The following MIX23 variants were observed in gnomAD, a reference collection of about 807,000 sequenced individuals.
MIX23 encodes the protein mitochondrial matrix import factor 23.
A neutral mutation model predicts 21.6 loss-of-function variants in MIX23; 13 were observed. The ratio of observed to expected loss-of-function variants is 0.60; its 90% CI spans 0.39 to 0.96. The LOEUF (loss-of-function observed/expected upper bound fraction) is 0.96, where lower values mean the gene tolerates loss of function less well. Ranked by LOEUF, MIX23 falls within the 40% of genes least tolerant of loss-of-function variation. The pLI is 0.00. For missense variants in MIX23, 144 were observed against 171.2 expected (o/e 0.84, Z 0.89); for synonymous variants, 59 against 58.0 (o/e 1.02, Z -0.08).
chr3:122,368,069 T>G (rs2075410144), intron 3 of MIX23, 107 bp downstream of exon 3: 1 of 925,036 alleles, frequency 1.1e-6, no homozygotes, highest in Admixed American at 2.2e-5. Context: ...ATCATTTTTT[T>G]AAGTAACTGC....
chr3:122,380,308 T>C (rs1393455461), intron 1 of MIX23, among the ~76,000 whole-genome samples: 1 of 152,104 alleles, frequency 6.6e-6, no homozygotes. Context: ...ACAGATCTGG[T>C]TCCTCAAACT....
chr3:122,381,392 G>C (rs552955584), intron 1 of MIX23, among the ~76,000 whole-genome samples: 1 of 152,274 alleles, frequency 6.6e-6, no homozygotes, highest in South Asian at 2.1e-4. Flanking sequence ...AGGTCATAAG[G>C]GTGGGCCCTA....
intron 1 of MIX23, among the ~76,000 whole-genome samples, chr3:122,372,689 G>A (rs936271693): frequency 4.0e-5 from 6 of 151,774 alleles, no homozygotes; most frequent in South Asian, 2.1e-4. Flanking sequence ...TTAATTAGCC[G>A]GACATGGTGA....
intron 1 of MIX23, among the ~76,000 whole-genome samples, chr3:122,381,099 C>A (rs1275190793): frequency 2.0e-5 from 3 of 152,188 alleles, no homozygotes; most frequent in Non-Finnish European, 2.9e-5. Context: ...ATCCTATTGC[C>A]TCTGCCTAGA....
At chr3:122,362,016 G>A (rs969645405) in intron 4 of MIX23, among the ~76,000 whole-genome samples, 4 of 152,026 alleles carry the variant, frequency 2.6e-5, no homozygotes, top group South Asian at 2.1e-4. Flanking sequence ...TTTGCCCTTC[G>A]TAAATCTTTT....
chr3:122,367,173 A>G (rs1214519467), intron 3 of MIX23, among the ~76,000 whole-genome samples: 1 of 151,980 alleles, frequency 6.6e-6, no homozygotes, highest in Non-Finnish European at 1.5e-5. Flanking sequence ...GAAGAGAAGG[A>G]GAGAGGGAGG....
chr3:122,366,968 A>C (rs1230780853), intron 3 of MIX23, among the ~76,000 whole-genome samples: 1 of 152,134 alleles, frequency 6.6e-6, no homozygotes, highest in African/African-American at 2.4e-5. Context: ...TGATTTTGAT[A>C]ATTGTACACT....
At chr3:122,367,139 T>A (rs767205705) in intron 3 of MIX23, among the ~76,000 whole-genome samples, 1 of 149,030 alleles carries the variant, frequency 6.7e-6, no homozygotes, top group African/African-American at 2.5e-5. Flanking sequence ...CAGGGAAGGA[T>A]GAAGAGAAGG....
At chr3:122,382,818 T>A (rs1295816337) in intron 1 of MIX23, among the ~76,000 whole-genome samples, 3 of 152,200 alleles carry the variant, frequency 2.0e-5, no homozygotes, top group Non-Finnish European at 4.4e-5. Flanking sequence ...AAAACTCTAC[T>A]TACAAAAGTA....
intron 2 of MIX23, 95 bp from the exon 3 acceptor site, chr3:122,368,417 C>T (rs1030595882): frequency 8.2e-6 from 10 of 1,220,716 alleles, no homozygotes; most frequent in African/African-American, 3.1e-5. Flanking sequence ...TATAGAAATT[C>T]AATACTTTCT....
intron 1 of MIX23, 103 bp downstream of exon 1, chr3:122,383,071 G>A (rs2075547978): frequency 4.8e-6 from 7 of 1,461,372 alleles, no homozygotes; most frequent in Non-Finnish European, 5.8e-6. Context: ...GCTTTGAATT[G>A]CCCGCTTTTT....
chr3:122,368,002 A>G (rs1321385744), intron 3 of MIX23, 174 bp downstream of exon 3: 5 of 606,262 alleles, frequency 8.2e-6, no homozygotes, highest in African/African-American at 3.7e-5. Context: ...TAATTTACCA[A>G]TTAATAACTA....
intron 3 of MIX23, among the ~76,000 whole-genome samples, chr3:122,364,898 A>G (rs1451494695): frequency 6.6e-6 from 1 of 152,202 alleles, no homozygotes; most frequent in Non-Finnish European, 1.5e-5. Flanking sequence ...TACAGATTCA[A>G]AATCAGACTT....
At chr3:122,378,034 T>G (rs1006934351) in intron 1 of MIX23, among the ~76,000 whole-genome samples, 19 of 152,170 alleles carry the variant, frequency 1.2e-4, no homozygotes, top group Non-Finnish European at 2.4e-4. Context: ...GGTCATATGA[T>G]AGGATTTTAG....
intron 1 of MIX23, among the ~76,000 whole-genome samples, chr3:122,379,212 T>C (rs1469479301): frequency 1.3e-5 from 2 of 152,174 alleles, no homozygotes; most frequent in Non-Finnish European, 2.9e-5. Context: ...AGGCATGCCA[T>C]TTAGTCAATC....
At chr3:122,376,434 A>G (rs2075487687) in intron 1 of MIX23, among the ~76,000 whole-genome samples, 1 of 151,914 alleles carries the variant, frequency 6.6e-6, no homozygotes, top group South Asian at 2.1e-4. Flanking sequence ...CTTGGACAAC[A>G]CGGTGAAACC....
At chr3:122,373,231 A>G (rs542655002) in intron 1 of MIX23, among the ~76,000 whole-genome samples, 1 of 152,104 alleles carries the variant, frequency 6.6e-6, no homozygotes, top group South Asian at 2.1e-4. Flanking sequence ...GCTTCAAGAC[A>G]TTATATTATG....
At chr3:122,368,779 A>C (rs1190722707) in intron 2 of MIX23, among the ~76,000 whole-genome samples, 2 of 152,214 alleles carry the variant, frequency 1.3e-5, no homozygotes. Context: ...AAGTGAAAGA[A>C]ATTATAAACT....
chr3:122,380,161 CT>C (rs770736153), intron 1 of MIX23, among the ~76,000 whole-genome samples: 2 of 152,256 alleles, frequency 1.3e-5, no homozygotes, highest in East Asian at 3.9e-4. Flanking sequence ...CATTATATAA[CT>C]AAAATACACT....
Sources: allele counts gnomAD v4.1 joint callset (sites outside exome capture counted in the v4.1 genomes callset), GRCh38; gene constraint gnomAD v4.1.1; transcripts MANE v1.5; gene names NCBI Gene and HGNC (gene_info 2026-07-23, HGNC 2026-07-21).